Variants in KMT2C observed in about 807,000 individuals in gnomAD.
KMT2C encodes the protein histone-lysine N-methyltransferase 2C.
KMT2C carries 88 observed loss-of-function variants against 507.9 expected under a neutral mutation model. The ratio of observed to expected loss-of-function variants is 0.17; its 90% CI spans 0.15 to 0.21. KMT2C has a LOEUF of 0.21. Ranked by LOEUF, KMT2C falls within the 10% of genes least tolerant of loss-of-function variation. The probability of loss-of-function intolerance (pLI) is 1.00; values close to 1 mark genes in which losing one functional copy is unlikely to be tolerated. For missense variants in KMT2C, 4,954 were observed against 5,957.8 expected (o/e 0.83, Z 5.55); for synonymous variants, 2,049 against 2,080.8 (o/e 0.98, Z 0.42).
intron 6 of KMT2C, among the ~76,000 whole-genome samples, chr7:152,278,460 T>C (rs1444975827): frequency 6.6e-6 from 1 of 152,354 alleles, no homozygotes; most frequent in African/African-American, 2.4e-5. Context: ...GATTTCAAAC[T>C]TCTTGAAGCC....
intron 5 of KMT2C, among the ~76,000 whole-genome samples, chr7:152,310,766 C>G (rs538260117): frequency 6.6e-6 from 1 of 152,174 alleles, no homozygotes; most frequent in East Asian, 1.9e-4. Flanking sequence ...TCACTGCAGC[C>G]TCAACCTCCA....
intron 1 of KMT2C, among the ~76,000 whole-genome samples, chr7:152,382,315 T>G (rs973738155): frequency 4.6e-5 from 7 of 152,188 alleles, no homozygotes; most frequent in African/African-American, 1.4e-4. Flanking sequence ...ACATGAGAGA[T>G]AACCCTGTTG....
intron 1 of KMT2C, among the ~76,000 whole-genome samples, chr7:152,374,443 A>G (rs1302910361): frequency 6.6e-6 from 1 of 152,198 alleles, no homozygotes; most frequent in East Asian, 1.9e-4. Flanking sequence ...CAGTCCAACA[A>G]CTGAAAGAGT....
chr7:152,205,376 A>G (rs1227068514), intron 24 of KMT2C, 151 bp from the exon 25 acceptor site: 2 of 516,998 alleles, frequency 3.9e-6, no homozygotes, highest in East Asian at 6.5e-5. Flanking sequence ...TTTTAGGTAA[A>G]ATAGAAGTTA....
intron 2 of KMT2C, among the ~76,000 whole-genome samples, chr7:152,337,402 T>G (rs1168244969): frequency 1.3e-5 from 2 of 152,226 alleles, no homozygotes; most frequent in African/African-American, 4.8e-5. Flanking sequence ...AAAGATAAAT[T>G]AGATCTAACC....
chr7:152,143,282 A>AAGAGC (rs2090773412), intron 55 of KMT2C, among the ~76,000 whole-genome samples: 1 of 152,264 alleles, frequency 6.6e-6, no homozygotes, highest in Admixed American at 6.5e-5. Flanking sequence ...AAACAAGATC[A>AAGAGC]AGAGCAGAAA....
At chr7:152,348,535 G>A (rs1032622389) in intron 2 of KMT2C, among the ~76,000 whole-genome samples, 4 of 148,834 alleles carry the variant, frequency 2.7e-5, no homozygotes, top group Non-Finnish European at 5.9e-5. Flanking sequence ...GGAGGTGGAG[G>A]CTGCAGTGAG....
chr7:152,368,470 G>T (rs2097265364), intron 1 of KMT2C: 2 of 1,231,664 alleles, frequency 1.6e-6, no homozygotes, highest in African/African-American at 1.5e-5. Context: ...AAAACTAAAG[G>T]ACTCTGAAGC....
chr7:152,308,212 A>C (rs1202614880), intron 6 of KMT2C, among the ~76,000 whole-genome samples: 2 of 152,206 alleles, frequency 1.3e-5, no homozygotes, highest in African/African-American at 4.8e-5. Flanking sequence ...AGTAAAGCTA[A>C]TGTTCTAATG....
rs1377403196 is a variant in KMT2C, at chr7:152,138,712, AAGTG to A, written c.14643+80_14643+83del. 3.6e-6 allele frequency: 3 copies of A among 841,994 alleles called. No homozygotes were observed. The highest frequency in any genetic ancestry group is 5.8e-6 in the Non-Finnish European group (3 of 520,850). 52.2% of individuals were successfully genotyped at this position (841,994 alleles called of 1,614,324 possible). ...TTATCACAACAAAGAATTGGGAAACAAGTGAGTAAGTGACCTGTGTGAGGAGGGA... is the reference window on the plus strand; with the variant it reads ...TTATCACAACAAAGAATTGGGAAACAAGTAAGTGACCTGTGTGAGGAGGGA... On this transcript the variant is annotated intron_variant, in intron 58 of 58. Coordinates refer to ENST00000262189, the MANE Select transcript of KMT2C (RefSeq NM_170606.3). This position sits in a 1 kb window ranked among gnomAD's most constrained non-coding sequence, Gnocchi z 4.2.
chr7:152,409,935 C>T lies in KMT2C; in HGVS notation c.161+25691G>A, dbSNP rs563350244. Among the ~76,000 whole-genome samples the T allele has an allele frequency of 1.8e-4, 28 of 152,086 alleles. No homozygotes were observed. In the East Asian group the frequency reaches 4.4e-3, roughly 24 times the overall value. ...CAAATTATACAAATATTTCAAAATG[C>T]TGAGTTACTCTACTATAGCTAATAA... is the stretch of plus-strand genomic sequence containing the variant. On this transcript the variant is annotated intron_variant, in intron 1 of 58. Transcript: ENST00000262189.
In KMT2C at chr7:152,156,215, C is replaced by T; in HGVS notation, c.11802G>A (p.Val3934=). Residue 3934 remains valine, a synonymous_variant, in exon 45 of 59, where the codon GTG becomes GTA. Transcript: ENST00000262189. ...EELAGKAGVL[V]SHEVTKTLGP... ...AGGCTATAATCATACCTTCATGGCTCACTAACACTCCGGCTTTTCCAGCAA... is the reference window on the plus strand; with the variant it reads ...AGGCTATAATCATACCTTCATGGCTTACTAACACTCCGGCTTTTCCAGCAA... 2 of 1,614,110 alleles carry T rather than the reference C, an allele frequency of 1.2e-6. No individual in the cohort carries two copies. The highest frequency in any genetic ancestry group is 8.5e-7 in the Non-Finnish European group (1 of 1,179,994).
intron 6 of KMT2C, among the ~76,000 whole-genome samples, chr7:152,290,531 A>G (rs970547141): frequency 3.6e-4 from 55 of 150,920 alleles, no homozygotes; most frequent in Non-Finnish European, 6.8e-4. Flanking sequence ...GCTGGTCTTG[A>G]GCTCCTGACC....
chr7:152,286,153 C>G (rs1369773933), intron 6 of KMT2C, among the ~76,000 whole-genome samples: 2 of 152,294 alleles, frequency 1.3e-5, no homozygotes, highest in African/African-American at 4.8e-5. Flanking sequence ...AGAAAACGAA[C>G]AGACCCTCAG....
intron 1 of KMT2C, among the ~76,000 whole-genome samples, chr7:152,394,119 T>C (rs2097522389): frequency 6.6e-6 from 1 of 152,174 alleles, no homozygotes; most frequent in African/African-American, 2.4e-5. Context: ...CTGATGCCTA[T>C]CATGCTTCAA....
chr7:152,367,930 C>A, intron 1 of KMT2C: 1 of 981,274 alleles, frequency 1.0e-6, no homozygotes, highest in Admixed American at 1.8e-5. Flanking sequence ...CAACTTATTG[C>A]CAAAGCAGAC....
At chr7:152,250,747 A>C in intron 12 of KMT2C, 106 bp downstream of exon 12, 1 of 653,448 alleles carries the variant, frequency 1.5e-6, no homozygotes, top group Non-Finnish European at 2.7e-6. Flanking sequence ...AACTCTTCCT[A>C]AGTGACTGCA....
intron 25 of KMT2C, 35 bp downstream of exon 25, chr7:152,205,071 T>TAA: frequency 7.2e-6 from 10 of 1,389,386 alleles, no homozygotes; most frequent in Admixed American, 2.4e-5. Context: ...AGGGTTACAT[T>TAA]AAAAAAAAAA....
intron 1 of KMT2C, among the ~76,000 whole-genome samples, chr7:152,405,990 G>GA (rs375174563): frequency 3.7e-5 from 4 of 109,314 alleles, no homozygotes; most frequent in African/African-American, 2.3e-4. Flanking sequence ...CTCTGTCTCA[G>GA]AAAAAAAAAA....
Sources: gnomAD v4.1 joint callset for allele counts (sites outside exome capture counted in the v4.1 genomes callset) on GRCh38, gnomAD v4.1.1 for gene constraint, Gnocchi (gnomAD v3.1) non-coding constraint, MANE v1.5 for transcripts, NCBI Gene and HGNC (gene_info 2026-07-23, HGNC 2026-07-21) for gene names.